The following SLC35F2 variants were observed in gnomAD, a reference collection of about 807,000 sequenced individuals.
SLC35F2 encodes the protein queuine/queuosine transporter SLC35F2.
A neutral mutation model predicts 38.1 loss-of-function variants in SLC35F2; 25 were observed. The observed-to-expected ratio is 0.66, with a 90% CI of 0.48 to 0.92. The LOEUF (loss-of-function observed/expected upper bound fraction) is 0.92, where lower values mean the gene tolerates loss of function less well. SLC35F2 is among the 40% of genes least tolerant of loss of function. The probability of loss-of-function intolerance (pLI) is 0.00; values close to 1 mark genes in which losing one functional copy is unlikely to be tolerated. For missense variants in SLC35F2, 409 were observed against 452.9 expected, an observed-to-expected ratio of 0.90 and a Z score of 0.88; for synonymous variants, 173 against 181.7, an observed-to-expected ratio of 0.95 and a Z score of 0.38.
At chr11:107,842,684 T>G (rs1860030627) in intron 1 of SLC35F2, among the ~76,000 whole-genome samples, 1 of 152,218 alleles carries the variant, frequency 6.6e-6, no homozygotes, top group South Asian at 2.1e-4. Flanking sequence ...CATACCTGGC[T>G]AATTTAGGAG....
intron 1 of SLC35F2, among the ~76,000 whole-genome samples, chr11:107,822,938 A>ATT (rs551516413): frequency 0.012 from 1,886 of 152,198 alleles, 58 homozygotes; most frequent in African/African-American, 0.044. Flanking sequence ...CTAGTTTTAC[A>ATT]TTATATATAT....
At chr11:107,796,513 A>G (rs931801197) in intron 7 of SLC35F2, among the ~76,000 whole-genome samples, 4 of 152,362 alleles carry the variant, frequency 2.6e-5, no homozygotes, top group African/African-American at 9.6e-5. Context: ...GTTAAATGAA[A>G]TAAGCTAGGG....
chr11:107,853,719 C>CAA (rs67932834), intron 1 of SLC35F2, among the ~76,000 whole-genome samples: 1,260 of 67,156 alleles, frequency 0.019, 45 homozygotes, highest in Non-Finnish European at 0.022. Flanking sequence ...GACTCCGTCT[C>CAA]AAAAAAAAAA....
chr11:107,805,547 ACT>A (rs778056736), intron 4 of SLC35F2, 32 bp from the exon 5 acceptor site: 2 of 1,603,330 alleles, frequency 1.2e-6, no homozygotes, highest in Non-Finnish European at 8.5e-7. Context: ...AAAGCAAAAC[ACT>A]GTCAACAGAT....
chr11:107,852,040 G>A (rs1447680261), intron 1 of SLC35F2, among the ~76,000 whole-genome samples: 2 of 152,190 alleles, frequency 1.3e-5, no homozygotes, highest in Non-Finnish European at 2.9e-5. Flanking sequence ...AAATGTCTAG[G>A]ACTTTACCCT....
In SLC35F2 at chr11:107,846,465, C is replaced by T. The variant is rs116556009; in HGVS notation, c.110+12193G>A. On this transcript the variant is annotated intron_variant, in intron 1 of 7. Transcript: ENST00000525815. Reference sequence around the variant, plus strand: ...ATTTTTTTTTTCTTGGCAAAATCTCCAGGATTAGTTGCAAATGGACCCAAT... The same window carrying T: ...ATTTTTTTTTTCTTGGCAAAATCTCTAGGATTAGTTGCAAATGGACCCAAT... Among the ~76,000 whole-genome samples the T allele has an allele frequency of 7.8e-3, 1,187 of 152,014 alleles. 13 individuals carry two copies. Among genetic ancestry groups the T allele is most frequent in the African/African-American group, 0.027 (1,134 of 41,496 alleles).
intron 1 of SLC35F2, among the ~76,000 whole-genome samples, chr11:107,857,302 C>CGAAGGAAGGAGAGAGGGAAGGAAG (rs1860309608): frequency 8.3e-6 from 1 of 120,284 alleles, no homozygotes; most frequent in African/African-American, 3.3e-5. Flanking sequence ...AGAGAGGGAA[C>CGAAGGAAGGAGAGAGGGAAGGAAG]GAAGGAAGGA....
chr11:107,839,960 C>T (rs1859990120), intron 1 of SLC35F2, among the ~76,000 whole-genome samples: 1 of 152,134 alleles, frequency 6.6e-6, no homozygotes, highest in African/African-American at 2.4e-5. Context: ...ACCTGAAACA[C>T]ATTTTCATAT....
At chr11:107,800,665 C>T (rs951286966) in intron 7 of SLC35F2, among the ~76,000 whole-genome samples, 4 of 152,108 alleles carry the variant, frequency 2.6e-5, no homozygotes, top group Admixed American at 2.6e-4. Flanking sequence ...CAGCCTCGAC[C>T]TCCCTGGCCC....
chr11:107,833,500 C>T (rs1469131519), intron 1 of SLC35F2, among the ~76,000 whole-genome samples: 2 of 124,890 alleles, frequency 1.6e-5, no homozygotes, highest in Non-Finnish European at 1.6e-5. Context: ...GCCTGGGCAT[C>T]AGAGTGAGAC....
At position 107,807,297 on chromosome 11, in the gene SLC35F2, A is replaced by C. The variant is rs867618234; in HGVS notation, c.415-421T>G. ...AAAAAAAAAAAAAAACAACAACAAA[A>C]AAAAACCTTGGGTGTGGTGGTGCAC... On this transcript the variant is annotated intron_variant, in intron 3 of 7. Coordinates refer to ENST00000525815, the MANE Select transcript of SLC35F2 (RefSeq NM_017515.5). Among the ~76,000 whole-genome samples the C allele has an allele frequency of 1.4e-3, 204 of 147,960 alleles. 1 individual carries two copies. Among genetic ancestry groups the C allele is most frequent in the African/African-American group, 4.5e-3 (182 of 40,358 alleles).
chr11:107,804,342 AG>A (rs910212261), intron 6 of SLC35F2, among the ~76,000 whole-genome samples: 2 of 152,124 alleles, frequency 1.3e-5, no homozygotes, highest in African/African-American at 4.8e-5. Flanking sequence ...GAGGTGAGGG[AG>A]ATTTCACACC....
chr11:107,814,370 G>A (rs1306121412), intron 2 of SLC35F2, among the ~76,000 whole-genome samples: 3 of 151,320 alleles, frequency 2.0e-5, no homozygotes, highest in African/African-American at 4.9e-5. Flanking sequence ...CAAGAGAATC[G>A]CTTGAACCCA....
Position 107,832,910 on chromosome 11 carries a change from T to C in SLC35F2, c.111-16945A>G, listed in dbSNP as rs1004279973. Among the ~76,000 whole-genome samples the C allele has an allele frequency of 7.9e-5, 12 of 152,312 alleles. No individual in the cohort carries two copies. In the South Asian group the frequency reaches 2.5e-3, roughly 32 times the overall value. ...CTCAACTCCTCATGTTTAATCCTTGTGGCTAATTTGGATTTGCAGCTCACA... is the reference window on the plus strand; with the variant it reads ...CTCAACTCCTCATGTTTAATCCTTGCGGCTAATTTGGATTTGCAGCTCACA... On this transcript the variant is annotated intron_variant, in intron 1 of 7. Coordinates refer to ENST00000525815, the MANE Select transcript of SLC35F2 (RefSeq NM_017515.5).
chr11:107,856,888 G>T (rs71464784), intron 1 of SLC35F2, among the ~76,000 whole-genome samples: 1 of 104,554 alleles, frequency 9.6e-6, no homozygotes. Flanking sequence ...GGAAGGAAGG[G>T]AGGGAGGGAA....
intron 1 of SLC35F2, among the ~76,000 whole-genome samples, chr11:107,834,451 G>C (rs896785074): frequency 3.9e-5 from 6 of 152,268 alleles, no homozygotes; most frequent in East Asian, 3.9e-4. Context: ...AGGAGTTCGA[G>C]AACAGCCTGG....
chr11:107,821,685 C>T (rs1859675454), intron 1 of SLC35F2: 2 of 903,258 alleles, frequency 2.2e-6, no homozygotes, highest in Admixed American at 6.2e-5. Context: ...AAGAAACATG[C>T]ATCTGACCTT....
intron 7 of SLC35F2, among the ~76,000 whole-genome samples, chr11:107,801,037 T>C (rs12577931): frequency 0.15 from 22,654 of 151,618 alleles, 2,727 homozygotes; most frequent in East Asian, 0.42. Flanking sequence ...CCCGAGTAGC[T>C]GGGATTACAG....
At chr11:107,796,272 G>A (rs1315576803) in intron 7 of SLC35F2, among the ~76,000 whole-genome samples, 2 of 152,140 alleles carry the variant, frequency 1.3e-5, no homozygotes, top group African/African-American at 4.8e-5. Flanking sequence ...TCCCACTACT[G>A]GGTATTTATC....
Sources: gnomAD v4.1 joint callset for allele counts (sites outside exome capture counted in the v4.1 genomes callset) on GRCh38, gnomAD v4.1.1 for gene constraint, MANE v1.5 for transcripts, NCBI Gene and HGNC (gene_info 2026-07-23, HGNC 2026-07-21) for gene names.